Variants in MUC22 observed in about 807,000 individuals in gnomAD.
MUC22 encodes the protein mucin 22.
A neutral mutation model predicts 40.3 loss-of-function variants in MUC22; 24 were observed. The ratio of observed to expected loss-of-function variants is 0.60; its 90% CI spans 0.43 to 0.84. The LOEUF is 0.84. MUC22 is among the 40% of genes least tolerant of loss of function. The pLI, the probability that MUC22 is intolerant of heterozygous loss-of-function variation, is 0.00. For missense variants in MUC22, 1,926 were observed against 2,130.7 expected (o/e 0.90, Z 1.89); for synonymous variants, 765 against 844.5 (o/e 0.91, Z 1.63).
At chr6:31,016,577 G>C (rs977410836) in intron 1 of MUC22, among the ~76,000 whole-genome samples, 1 of 152,210 alleles carries the variant, frequency 6.6e-6, no homozygotes, top group Non-Finnish European at 1.5e-5. Flanking sequence ...TACATTTCAG[G>C]GTGTAAGCAT....
At chr6:31,027,381 C>T (rs13214865) in exon 2 of MUC22, 83,231 of 1,532,748 alleles carry the variant, frequency 0.054, 3,081 homozygotes, top group South Asian at 0.084. Flanking sequence ...CAGTCTCCAC[C>T]ACAGGCTCTG....
intron 1 of MUC22, among the ~76,000 whole-genome samples, chr6:31,017,000 G>C (rs1016566311): frequency 6.6e-6 from 1 of 152,212 alleles, no homozygotes; most frequent in African/African-American, 2.4e-5. Flanking sequence ...CGGGTGCTGC[G>C]CTCCAATTCT....
intron 1 of MUC22, among the ~76,000 whole-genome samples, chr6:31,015,574 C>T (rs1007283947): frequency 6.7e-6 from 1 of 148,544 alleles, no homozygotes; most frequent in African/African-American, 2.5e-5. Flanking sequence ...ATTCCACCCT[C>T]ACATTTGACT....
Position 31,032,076 on chromosome 6 carries a change from C to T in MUC22, c.4670-120C>T, listed in dbSNP as rs914299240. On this transcript the variant is annotated intron_variant, in intron 2 of 3. Transcript: ENST00000561890. The surrounding 1 kb of genome is among the most constrained non-coding windows in gnomAD (Gnocchi z 4.1). ...TACCATCTCTCCTCCCCCACCACAC[C>T]TCTCCTGAGCCACCTCCACCATAGG... is the stretch of plus-strand genomic sequence containing the variant. 1.7e-5 allele frequency: 19 copies of T among 1,138,092 alleles called. No individual in the cohort carries two copies. The Admixed American group carries it at 5.0e-4, about 30-fold the overall frequency. The allele number at this position is 1,138,092 out of a possible 1,614,324, so 70.5% of individuals were successfully genotyped here.
chr6:31,006,503 T>C (rs1196389635), upstream of MUC22, among the ~76,000 whole-genome samples: 2 of 152,122 alleles, frequency 1.3e-5, no homozygotes, highest in Non-Finnish European at 2.9e-5. Flanking sequence ...GGTGGATGCC[T>C]GTCATTGTAC....
chr6:31,018,533 C>T (rs5002840), intron 1 of MUC22, among the ~76,000 whole-genome samples: 22,074 of 141,724 alleles, frequency 0.16, 1,752 homozygotes, highest in African/African-American at 0.2. Flanking sequence ...ACAAAAATAT[C>T]TCCTCTGCTG....
intron 1 of MUC22, among the ~76,000 whole-genome samples, chr6:31,021,958 G>GTCTTCA (rs1764812639): frequency 6.6e-6 from 1 of 152,020 alleles, no homozygotes; most frequent in African/African-American, 2.4e-5. Flanking sequence ...CACCGTAAAG[G>GTCTTCA]TCTGCAGCTT....
exon 2 of MUC22, chr6:31,029,798 C>A (rs868754629): frequency 2.0e-5 from 30 of 1,473,678 alleles, no homozygotes; most frequent in African/African-American, 5.6e-5. Flanking sequence ...TCTGAGACCA[C>A]CACAGCCTCC....
chr6:31,016,800 C>G (rs1764239725), intron 1 of MUC22, among the ~76,000 whole-genome samples: 1 of 152,210 alleles, frequency 6.6e-6, no homozygotes, highest in Admixed American at 6.5e-5. Flanking sequence ...GAGGGAGAGG[C>G]ACGGGCGGGA....
At chr6:31,020,089 C>G (rs1479449584) in intron 1 of MUC22, among the ~76,000 whole-genome samples, 1 of 152,022 alleles carries the variant, frequency 6.6e-6, no homozygotes, top group Non-Finnish European at 1.5e-5. Context: ...TTGATGAAAA[C>G]TATAAACTCA....
rs1436862866 is a variant in MUC22, at chr6:31,026,351, C to A, written c.920C>A (p.Thr307Asn). 2 of 1,508,030 alleles carry A rather than the reference C, an allele frequency of 1.3e-6. 1 individual carries two copies. Among genetic ancestry groups the A allele is most frequent in the Non-Finnish European group, 1.8e-6 (2 of 1,129,212 alleles). 93.4% of individuals were successfully genotyped at this position (1,508,030 alleles called of 1,614,324 possible). Reference sequence around the variant, plus strand: ...ACCCCCTCCCCCACAGGCTCTCAGACCACCATAGTCTCTATTTCAGGTTCT... The same window carrying A: ...ACCCCCTCCCCCACAGGCTCTCAGAACACCATAGTCTCTATTTCAGGTTCT... Residue 307 changes from threonine to asparagine, a missense_variant, in exon 2 of 4, where the codon ACC (threonine) becomes AAC (asparagine). By Grantham distance (65) the Thr-to-Asn change is moderately conservative. Coordinates refer to ENST00000561890, the Ensembl canonical transcript of MUC22.
intron 1 of MUC22, among the ~76,000 whole-genome samples, chr6:31,022,820 A>G (rs78738846): frequency 0.12 from 18,209 of 152,120 alleles, 1,276 homozygotes; most frequent in African/African-American, 0.17. Flanking sequence ...CTAATGGTGG[A>G]AATAAAATGG....
chr6:31,016,091 C>CT (rs201494313), intron 1 of MUC22, among the ~76,000 whole-genome samples: 2 of 140,970 alleles, frequency 1.4e-5, no homozygotes, highest in Non-Finnish European at 3.1e-5. Context: ...TCAAAGAGAT[C>CT]TTTTTTTTCT....
At chr6:31,006,140 T>TA (rs2150730796), upstream of MUC22, 1 of 394,496 alleles carries the variant, frequency 2.5e-6, no homozygotes, top group African/African-American at 2.2e-5. Flanking sequence ...TTAGGTAAGT[T>TA]AATGATTCAT....
In MUC22 at chr6:31,010,674, C is replaced by G. The variant is rs1465799725; in HGVS notation, c.-33C>G. 2.8e-6 allele frequency: 2 copies of G among 702,318 alleles called. No individual in the cohort carries two copies. Among genetic ancestry groups the G allele is most frequent in the Non-Finnish European group, 5.2e-6 (2 of 384,922 alleles). The allele number at this position is 702,318 out of a possible 1,614,324, so 43.5% of individuals were successfully genotyped here. ...TATCCTTCCTTTGGAACCCAGGCAT[C>G]TAAATGACAACTTCTATGTGCATCA... is the stretch of plus-strand genomic sequence containing the variant. On this transcript the variant is annotated 5_prime_UTR_variant, in exon 1 of 4. The change creates a new upstream start codon in the 5' untranslated region. Transcript: ENST00000561890.
intron 1 of MUC22, among the ~76,000 whole-genome samples, chr6:31,012,408 C>T (rs904043736): frequency 2.0e-5 from 3 of 152,212 alleles, no homozygotes; most frequent in African/African-American, 7.2e-5. Context: ...ATCTGCCCGT[C>T]GCCTGTCCTA....
rs771625550 is a variant in MUC22 at position 31,030,020 on chromosome 6, C to T, written c.4589C>T (p.Thr1530Ile). The T allele has an allele frequency of 1.2e-5, 19 of 1,535,702 alleles. No individual in the cohort carries two copies. In the South Asian group the frequency reaches 2.0e-4, roughly 16 times the overall value. The change falls in exon 2 of 4, where the codon ACC becomes ATC. Residue 1530 changes from threonine to isoleucine, a missense_variant. Around this residue, in one of 3 missense-constraint regions of MUC22, gnomAD observed 610 missense variants for 714.6 expected, o/e 0.85. Transcript: ENST00000561890. ...GCTTCTGGGGCCACTGCAGCCTCCACCACTGTCTCTTCCACCACGTTTGTA... is the reference window on the plus strand; with the variant it reads ...GCTTCTGGGGCCACTGCAGCCTCCATCACTGTCTCTTCCACCACGTTTGTA...
intron 3 of MUC22, among the ~76,000 whole-genome samples, chr6:31,033,841 C>T (rs567049587): frequency 4.6e-5 from 7 of 152,296 alleles, no homozygotes; most frequent in East Asian, 3.9e-4. Flanking sequence ...ATGAAAAATA[C>T]GGAAGTCACA....
chr6:31,018,867 T>C (rs12215548), intron 1 of MUC22, among the ~76,000 whole-genome samples: 18,222 of 152,304 alleles, frequency 0.12, 1,283 homozygotes, highest in African/African-American at 0.17. Context: ...CCTTAGTGGA[T>C]GCTCCTTCTC....
Sources: gnomAD v4.1 joint callset for allele counts (sites outside exome capture counted in the v4.1 genomes callset) on GRCh38, gnomAD v4.1.1 for gene constraint, gnomAD v4.1.1 regional missense constraint, Gnocchi (gnomAD v3.1) non-coding constraint, MANE v1.5 for transcripts, NCBI Gene and HGNC (gene_info 2026-07-23, HGNC 2026-07-21) for gene names.